Variants in EMB observed in about 807,000 individuals in gnomAD.
The protein encoded by EMB is embigin homolog.
Under a neutral mutation model 41.4 loss-of-function variants are expected in EMB, and 31 were observed. The ratio of observed to expected loss-of-function variants is 0.75; its 90% CI spans 0.56 to 1.01. The LOEUF (loss-of-function observed/expected upper bound fraction) is 1.01. Ranked by LOEUF, EMB falls within the 50% of genes least tolerant of loss-of-function variation. EMB has a pLI of 0.00. For missense variants in EMB, 379 were observed against 388.3 expected (o/e 0.98, Z 0.20); for synonymous variants, 137 against 140.4 (o/e 0.98, Z 0.17).
At position 50,441,108 on chromosome 5, in the gene EMB, G is replaced by C. The variant is rs756591424; in HGVS notation, c.44C>G (p.Pro15Arg). The C allele has an allele frequency of 2.0e-6, 3 of 1,517,204 alleles. No homozygotes were observed. Among genetic ancestry groups the C allele is most frequent in the South Asian group, 2.5e-5 (2 of 81,234 alleles). 94.0% of individuals were successfully genotyped at this position (1,517,204 alleles called of 1,614,324 possible). Residue 15 changes from proline to arginine, a missense_variant, in exon 1 of 9, where the codon CCC becomes CGC. Coordinates refer to ENST00000303221, the MANE Select transcript of EMB (RefSeq NM_198449.3). Reference protein sequence around the residue: ...PGLLEARARTPRLLLLQCLLA... With the variant: ...PGLLEARARTRRLLLLQCLLA... ...AAGGCACTGGAGGAGGAGCAGCCGG[G>C]GCGTACGCGCCCTGGCCTCCAGCAG...
intron 2 of EMB, among the ~76,000 whole-genome samples, chr5:50,417,523 G>A (rs555673168): frequency 6.6e-6 from 1 of 152,282 alleles, no homozygotes; most frequent in Admixed American, 6.5e-5. Flanking sequence ...ACACCAATGT[G>A]ATACAGCCTA....
chr5:50,423,419 T>C (rs1745558207), intron 2 of EMB, among the ~76,000 whole-genome samples: 2 of 152,200 alleles, frequency 1.3e-5, no homozygotes, highest in Non-Finnish European at 1.5e-5. Context: ...GGATATTTTT[T>C]GAACCTGCTT....
chr5:50,399,142 G>A lies in EMB; in HGVS notation c.*131C>T. On this transcript the variant is annotated 3_prime_UTR_variant, in exon 9 of 9. Coordinates refer to ENST00000303221, the MANE Select transcript of EMB (RefSeq NM_198449.3). ...GACATATATCGTTGATGAAGCTCCT[G>A]CTGAGCATGTTGCATAAGCTTTTCA... 7.8e-7 allele frequency: 1 copy of A among 1,279,052 alleles called. No homozygotes were observed. The highest frequency in any genetic ancestry group is 1.1e-6 in the Non-Finnish European group (1 of 944,128). The allele number at this position is 1,279,052 out of a possible 1,614,324, so 79.2% of individuals were successfully genotyped here.
chr5:50,416,121 C>T (rs1745427652), intron 2 of EMB, among the ~76,000 whole-genome samples: 1 of 152,102 alleles, frequency 6.6e-6, no homozygotes, highest in Non-Finnish European at 1.5e-5. Context: ...CAAAAACATG[C>T]AAAAAGCTCT....
At chr5:50,416,426 AT>A (rs1745432682) in intron 2 of EMB, among the ~76,000 whole-genome samples, 1 of 152,244 alleles carries the variant, frequency 6.6e-6, no homozygotes, top group African/African-American at 2.4e-5. Flanking sequence ...CTTCAGAGAA[AT>A]GACATTTAGA....
chr5:50,405,859 A>C lies in EMB; in HGVS notation c.473-7T>G. On this transcript the variant is annotated splice_polypyrimidine_tract_variant and splice_region_variant and intron_variant, in intron 4 of 8. Transcript: ENST00000303221. ...TTCCCATGAAGTTCAGGGACTGAGAATAAAATAGAGAAATGTATGTTACTG... is the reference window on the plus strand; with the variant it reads ...TTCCCATGAAGTTCAGGGACTGAGACTAAAATAGAGAAATGTATGTTACTG... The C allele has an allele frequency of 6.3e-7, 1 of 1,575,626 alleles. No individual in the cohort carries two copies. The highest frequency in any genetic ancestry group is 8.6e-7 in the Non-Finnish European group (1 of 1,165,110).
intron 1 of EMB, among the ~76,000 whole-genome samples, chr5:50,436,421 C>A (rs1472681716): frequency 1.3e-5 from 2 of 152,134 alleles, no homozygotes; most frequent in Non-Finnish European, 2.9e-5. Context: ...ATTATTTGAT[C>A]CATCACCCTG....
chr5:50,406,005 G>T (rs170002), intron 4 of EMB, among the ~76,000 whole-genome samples, 153 bp from the exon 5 acceptor site: 4,733 of 151,908 alleles, frequency 0.031, 249 homozygotes, highest in African/African-American at 0.11. Flanking sequence ...AGTAGTTAGG[G>T]TGTAGTTAGT....
chr5:50,428,959 GGTCT>G (rs1379577479), intron 1 of EMB, among the ~76,000 whole-genome samples: 1 of 152,044 alleles, frequency 6.6e-6, no homozygotes, highest in Non-Finnish European at 1.5e-5. Context: ...GCAGGGGCAT[GGTCT>G]CAGATCTCTG....
chr5:50,440,757 C>T (rs911783733), intron 1 of EMB, among the ~76,000 whole-genome samples: 1 of 152,074 alleles, frequency 6.6e-6, no homozygotes, highest in African/African-American at 2.4e-5. Context: ...AAAAACCAGA[C>T]TCTGCCCTGT....
intron 8 of EMB, 61 bp downstream of exon 8, chr5:50,399,798 A>G: frequency 7.6e-7 from 1 of 1,322,036 alleles, no homozygotes; most frequent in Non-Finnish European, 1.1e-6. Context: ...ACTGATTGAT[A>G]GATAGCCTAT....
intron 1 of EMB, among the ~76,000 whole-genome samples, chr5:50,440,064 T>C (rs750511649): frequency 6.6e-6 from 1 of 152,168 alleles, no homozygotes; most frequent in Non-Finnish European, 1.5e-5. Context: ...TGTCAAAGTG[T>C]CTTAAACAAT....
At chr5:50,424,920 C>T (rs1313408453) in intron 2 of EMB, among the ~76,000 whole-genome samples, 42 of 152,148 alleles carry the variant, frequency 2.8e-4, no homozygotes, top group Admixed American at 2.7e-3. Flanking sequence ...GCCACTGCCA[C>T]TTGTGTTGCT....
chr5:50,423,321 A>C (rs1264961929), intron 2 of EMB, among the ~76,000 whole-genome samples: 1 of 152,196 alleles, frequency 6.6e-6, no homozygotes, highest in Non-Finnish European at 1.5e-5. Flanking sequence ...AAAGAGGAGA[A>C]GAGAAGAGAG....
At chr5:50,425,735 T>TTGCTCTGTCACCCAGGCCGGAG (rs533893699) in intron 2 of EMB, among the ~76,000 whole-genome samples, 1 of 137,378 alleles carries the variant, frequency 7.3e-6, no homozygotes, top group Non-Finnish European at 1.5e-5. Context: ...AGATGGACTC[T>TTGCTCTGTCACCCAGGCCGGAG]TGCAGTGGCA....
chr5:50,428,011 T>C (rs2111845699), intron 2 of EMB, 133 bp downstream of exon 2: 1 of 614,164 alleles, frequency 1.6e-6, no homozygotes, highest in Admixed American at 3.1e-5. Flanking sequence ...CCCAGCTCAC[T>C]ACTGGTATGT....
Position 50,428,186 on chromosome 5 carries a change from C to A in EMB, c.154G>T (p.Ala52Ser), listed in dbSNP as rs766190226. The A allele has an allele frequency of 6.2e-7, 1 of 1,611,978 alleles. No individual in the cohort carries two copies. The highest frequency in any genetic ancestry group is 8.5e-7 in the Non-Finnish European group (1 of 1,178,344). The change falls in exon 2 of 9, where the codon GCA (alanine) becomes TCA (serine). Residue 52 changes from alanine (A) to serine (S), a missense_variant. Coordinates refer to ENST00000303221, the MANE Select transcript of EMB (RefSeq NM_198449.3). The part of the protein sequence containing the change: ...TSPPLREEIM[A>S]NNFSLESHNI... ...TGACTCTCCAAGGAAAAGTTATTTG[C>A]CATTATTTCTTCTCTGAGAGGTGGA...
intron 2 of EMB, among the ~76,000 whole-genome samples, chr5:50,421,900 TG>T (rs1032010317): frequency 3.5e-5 from 2 of 57,228 alleles, no homozygotes; most frequent in African/African-American, 1.4e-4. Flanking sequence ...CGTTGTGGGG[TG>T]GGGGGAGGGG....
chr5:50,440,179 T>A (rs1745874625), intron 1 of EMB, among the ~76,000 whole-genome samples: 2 of 152,256 alleles, frequency 1.3e-5, no homozygotes, highest in South Asian at 2.1e-4. Context: ...CGTTATCCTG[T>A]AAGTTGTGGA....
Sources: allele counts gnomAD v4.1 joint callset (sites outside exome capture counted in the v4.1 genomes callset), GRCh38; gene constraint gnomAD v4.1.1; transcripts MANE v1.5; gene names NCBI Gene and HGNC (gene_info 2026-07-23, HGNC 2026-07-21).